Variants in PDE3B observed in about 807,000 individuals in gnomAD.
PDE3B encodes phosphodiesterase 3B.
A neutral mutation model predicts 116.8 loss-of-function variants in PDE3B; 66 were observed. That is an observed-to-expected ratio of 0.56 (90% CI 0.46 to 0.69). The LOEUF is 0.69. Ranked by LOEUF, PDE3B falls within the 30% of genes least tolerant of loss-of-function variation. The pLI is 0.00. For synonymous variants in PDE3B, 595 were observed against 533.6 expected (o/e 1.12, Z -1.59); for missense variants, 1,384 against 1,368.1 (o/e 1.01, Z -0.18).
chr11:14,895,764 C>T, the PDE3B span, among the ~76,000 whole-genome samples: 4 of 152,114 alleles, frequency 2.6e-5, no homozygotes, highest in Middle Eastern at 3.2e-3. Flanking sequence ...TTGAACATTC[C>T]CTATAACAGG....
At chr11:14,762,967 G>A (rs1207413187) in intron 1 of PDE3B, among the ~76,000 whole-genome samples, 1 of 152,196 alleles carries the variant, frequency 6.6e-6, no homozygotes, top group Non-Finnish European at 1.5e-5. Flanking sequence ...AACTGGAGAT[G>A]TTGAGTAGGC....
At chr11:14,761,445 A>G (rs1857357329) in intron 1 of PDE3B, among the ~76,000 whole-genome samples, 1 of 152,144 alleles carries the variant, frequency 6.6e-6, no homozygotes, top group African/African-American at 2.4e-5. Context: ...ATTCAGTATT[A>G]TATTATTCTC....
chr11:14,656,130 G>T (rs1853710636), intron 1 of PDE3B, among the ~76,000 whole-genome samples: 1 of 152,138 alleles, frequency 6.6e-6, no homozygotes, highest in Non-Finnish European at 1.5e-5. Context: ...TGGAAAAAAG[G>T]AGGTATGAAG....
chr11:14,751,786 T>TA (rs1464742445), intron 1 of PDE3B, among the ~76,000 whole-genome samples: 2 of 152,190 alleles, frequency 1.3e-5, no homozygotes, highest in Non-Finnish European at 2.9e-5. Flanking sequence ...ATCTGAAAGA[T>TA]AGGCAACGAG....
intron 1 of PDE3B, among the ~76,000 whole-genome samples, chr11:14,745,595 C>T (rs1319882247): frequency 6.6e-6 from 1 of 152,160 alleles, no homozygotes; most frequent in Non-Finnish European, 1.5e-5. Flanking sequence ...TAGACAGCTA[C>T]TAGTTAGCTG....
chr11:14,685,446 CT>C lies in PDE3B; in HGVS notation c.978+40420del, dbSNP rs71044017. On this transcript the variant is annotated intron_variant, in intron 1 of 15. Coordinates refer to ENST00000282096, the MANE Select transcript of PDE3B (RefSeq NM_000922.4). ...ATCACTAAGGGAACATTTTTCTCAT[CT>C]TTTTTTTTTTTTTTTTTTTTTTTTT... Among the ~76,000 whole-genome samples, 198 of 86,316 alleles carry C rather than the reference CT, an allele frequency of 2.3e-3. 1 individual carries two copies. Among genetic ancestry groups the C allele is most frequent in the African/African-American group, 5.8e-3 (161 of 27,638 alleles). 56.6% of individuals were successfully genotyped at this position (86,316 alleles called of 152,430 possible). A position where few individuals can be genotyped will look rare whatever the true frequency, so the allele number is the denominator to read the frequency against.
intron 1 of PDE3B, among the ~76,000 whole-genome samples, chr11:14,664,501 A>G (rs1854057489): frequency 6.6e-6 from 1 of 151,218 alleles, no homozygotes; most frequent in Admixed American, 6.6e-5. Flanking sequence ...AAGGATCAAG[A>G]AAATTGATAG....
intron 2 of PDE3B, among the ~76,000 whole-genome samples, chr11:14,777,171 GAGCTTA>G (rs1343663653): frequency 2.0e-5 from 3 of 152,162 alleles, no homozygotes; most frequent in Admixed American, 6.5e-5. Context: ...TAGAATCTGT[GAGCTTA>G]AGCATAGATC....
chr11:14,710,523 A>G (rs1590079384), intron 1 of PDE3B, among the ~76,000 whole-genome samples: 1 of 152,326 alleles, frequency 6.6e-6, no homozygotes, highest in East Asian at 1.9e-4. Context: ...GTCTTTTCCC[A>G]TCAGGATTGA....
At chr11:14,891,254 T>C in the PDE3B span, 2 of 985,014 alleles carry the variant, frequency 2.0e-6, no homozygotes, top group African/African-American at 3.5e-5. Context: ...CCTCACCGGC[T>C]GGTTATGAGT....
At chr11:14,725,289 T>TTCTTTCTCTTTCTTTCTTTCTTTCTC (rs1359308414) in intron 1 of PDE3B, among the ~76,000 whole-genome samples, 68 of 148,444 alleles carry the variant, frequency 4.6e-4, no homozygotes, top group African/African-American at 1.5e-3. Context: ...CTTTCTTTCT[T>TTCTTTCTCTTTCTTTCTTTCTTTCTC]TTTCTTTCTT....
chr11:14,852,353 C>T (rs1345083748), intron 12 of PDE3B, among the ~76,000 whole-genome samples: 1 of 152,130 alleles, frequency 6.6e-6, no homozygotes, highest in African/African-American at 2.4e-5. Flanking sequence ...ACCATGCCGG[C>T]CTACTCTATG....
chr11:14,790,678 C>T (rs1858355489), intron 4 of PDE3B, among the ~76,000 whole-genome samples: 1 of 151,958 alleles, frequency 6.6e-6, no homozygotes, highest in African/African-American at 2.4e-5. Context: ...TGACTTAACT[C>T]ATTAAAACAA....
intron 12 of PDE3B, among the ~76,000 whole-genome samples, chr11:14,849,521 A>C (rs957256806): frequency 6.6e-6 from 1 of 152,220 alleles, no homozygotes; most frequent in Non-Finnish European, 1.5e-5. Context: ...TCTGCACAGC[A>C]AAAGAAACTA....
At chr11:14,715,754 T>C (rs1855860903) in intron 1 of PDE3B, among the ~76,000 whole-genome samples, 2 of 152,186 alleles carry the variant, frequency 1.3e-5, no homozygotes, top group Non-Finnish European at 2.9e-5. Flanking sequence ...TTTATTTCCT[T>C]CTCCTGCCTG....
At chr11:14,656,877 T>C (rs569241803) in intron 1 of PDE3B, among the ~76,000 whole-genome samples, 1 of 152,308 alleles carries the variant, frequency 6.6e-6, no homozygotes, top group East Asian at 1.9e-4. Context: ...AGACAATCCG[T>C]TTTTATTGTC....
chr11:14,770,347 A>G (rs1857605018), intron 1 of PDE3B, among the ~76,000 whole-genome samples: 1 of 151,654 alleles, frequency 6.6e-6, no homozygotes, highest in Middle Eastern at 3.4e-3. Flanking sequence ...AAAGAAGCTG[A>G]CAGGCTAAAA....
intron 1 of PDE3B, among the ~76,000 whole-genome samples, chr11:14,761,074 G>C (rs1857348452): frequency 1.3e-5 from 2 of 151,876 alleles, no homozygotes; most frequent in African/African-American, 4.8e-5. Flanking sequence ...CATTGTGCTA[G>C]ACTCTTTAAT....
At chr11:14,845,022 G>A (rs1847565118) in intron 12 of PDE3B, among the ~76,000 whole-genome samples, 1 of 152,176 alleles carries the variant, frequency 6.6e-6, no homozygotes. Flanking sequence ...CTGAGAACGG[G>A]CAGACTGCCT....
Sources: allele counts gnomAD v4.1 joint callset (sites outside exome capture counted in the v4.1 genomes callset), GRCh38; gene constraint gnomAD v4.1.1; transcripts MANE v1.5; gene names NCBI Gene and HGNC (gene_info 2026-07-23, HGNC 2026-07-21).